NRG3: variants seen among roughly 807,000 people sequenced by gnomAD.
The protein encoded by NRG3 is neuregulin 3.
In NRG3, 31 loss-of-function variants were observed where a neutral mutation model predicts 66.9. The observed-to-expected ratio is 0.46, with a 90% CI of 0.35 to 0.63. The LOEUF is 0.63. Ranked by LOEUF, NRG3 falls within the 20% of genes least tolerant of loss-of-function variation. The probability of loss-of-function intolerance (pLI) is 0.00; values close to 1 mark genes in which losing one functional copy is unlikely to be tolerated. For synonymous variants in NRG3, 393 were observed against 359.4 expected (o/e 1.09, Z -1.06); for missense variants, 910 against 878.9 (o/e 1.04, Z -0.45).
intron 2 of NRG3, among the ~76,000 whole-genome samples, chr10:82,480,342 G>A (rs1842165772): frequency 6.6e-6 from 1 of 152,134 alleles, no homozygotes; most frequent in Non-Finnish European, 1.5e-5. Flanking sequence ...TTCAACAGGT[G>A]ATGTTTAAGC....
chr10:81,993,835 G>A (rs565391351), intron 1 of NRG3, among the ~76,000 whole-genome samples: 8 of 152,236 alleles, frequency 5.3e-5, no homozygotes, highest in Non-Finnish European at 8.8e-5. Flanking sequence ...ACATAGAAGC[G>A]CAGAAGCATT....
intron 2 of NRG3, among the ~76,000 whole-genome samples, chr10:82,498,334 T>C (rs1590356815): frequency 6.6e-6 from 1 of 152,196 alleles, no homozygotes; most frequent in East Asian, 1.9e-4. Context: ...AGAATTGAGA[T>C]AAAAAGATGG....
chr10:82,698,522 T>C (rs1351147206), intron 2 of NRG3, among the ~76,000 whole-genome samples: 1 of 152,206 alleles, frequency 6.6e-6, no homozygotes, highest in Non-Finnish European at 1.5e-5. Flanking sequence ...AGAAAACATT[T>C]TTATTGATCT....
At chr10:82,306,333 T>C (rs1458244640) in intron 1 of NRG3, among the ~76,000 whole-genome samples, 4 of 152,184 alleles carry the variant, frequency 2.6e-5, no homozygotes, top group Non-Finnish European at 4.4e-5. Context: ...ATTAATAAAA[T>C]ATTTTTAAAC....
At chr10:82,681,768 T>C (rs1418462142) in intron 2 of NRG3, among the ~76,000 whole-genome samples, 1 of 152,232 alleles carries the variant, frequency 6.6e-6, no homozygotes, top group Non-Finnish European at 1.5e-5. Flanking sequence ...CCAAAGCTGA[T>C]AGAGTGCCTA....
chr10:82,017,747 G>A (rs1419229981), intron 1 of NRG3, among the ~76,000 whole-genome samples: 1 of 152,046 alleles, frequency 6.6e-6, no homozygotes, highest in Non-Finnish European at 1.5e-5. Context: ...CTTTTGAGAA[G>A]TGTCTGTTCA....
intron 4 of NRG3, among the ~76,000 whole-genome samples, chr10:82,906,168 C>T (rs2131925638): frequency 6.6e-6 from 1 of 152,278 alleles, no homozygotes; most frequent in Admixed American, 6.5e-5. Flanking sequence ...CTTCTTAAAA[C>T]TATTCCCTCA....
At chr10:82,150,775 C>A (rs553227483) in intron 1 of NRG3, among the ~76,000 whole-genome samples, 1 of 152,174 alleles carries the variant, frequency 6.6e-6, no homozygotes, top group East Asian at 1.9e-4. Context: ...TCACAATTTC[C>A]AGTCTTTTAG....
chr10:82,619,731 T>A (rs1414839446), intron 2 of NRG3, among the ~76,000 whole-genome samples: 1 of 152,160 alleles, frequency 6.6e-6, no homozygotes, highest in Non-Finnish European at 1.5e-5. Flanking sequence ...CTAATATGAC[T>A]GGTGTCCTTT....
At chr10:82,449,200 G>A (rs2090897030) in intron 2 of NRG3, among the ~76,000 whole-genome samples, 2 of 152,202 alleles carry the variant, frequency 1.3e-5, no homozygotes, top group South Asian at 4.1e-4. Flanking sequence ...GTGAGCTAAG[G>A]TGAGGCAGCA....
intron 2 of NRG3, among the ~76,000 whole-genome samples, chr10:82,529,054 T>C (rs1272784273): frequency 6.6e-6 from 1 of 152,224 alleles, no homozygotes; most frequent in Non-Finnish European, 1.5e-5. Flanking sequence ...TAGCTTCCAA[T>C]ATAGTCTTAC....
At chr10:82,078,127 T>A (rs72825428) in intron 1 of NRG3, among the ~76,000 whole-genome samples, 8,370 of 152,006 alleles carry the variant, frequency 0.055, 264 homozygotes, top group Non-Finnish European at 0.073. Context: ...TAAAAAAAAA[T>A]TTTTTTTAAT....
At chr10:82,343,630 G>A (rs2082801839) in intron 1 of NRG3, among the ~76,000 whole-genome samples, 1 of 152,146 alleles carries the variant, frequency 6.6e-6, no homozygotes, top group African/African-American at 2.4e-5. Context: ...TCGCATATCT[G>A]TCTTCACATT....
chr10:82,528,856 T>A (rs531906716), intron 2 of NRG3, among the ~76,000 whole-genome samples: 9 of 152,238 alleles, frequency 5.9e-5, no homozygotes, highest in African/African-American at 2.2e-4. Context: ...TTTGACTAAA[T>A]GTTTCCTCTT....
intron 1 of NRG3, chr10:81,877,988 G>C: frequency 2.6e-6 from 4 of 1,537,530 alleles, no homozygotes; most frequent in South Asian, 1.2e-5. Context: ...TCCAACCCTT[G>C]TATGCGTTGG....
chr10:81,943,082 T>C (rs1313729766), intron 1 of NRG3, among the ~76,000 whole-genome samples: 1 of 152,146 alleles, frequency 6.6e-6, no homozygotes, highest in Admixed American at 6.6e-5. Flanking sequence ...TTATTTAAAT[T>C]ACACAAGTAG....
chr10:82,939,349 C>T (rs971573618), intron 4 of NRG3, among the ~76,000 whole-genome samples: 1 of 152,188 alleles, frequency 6.6e-6, no homozygotes, highest in Admixed American at 6.5e-5. Flanking sequence ...TGATAATGCA[C>T]ATCTAAAAGC....
At chr10:82,962,438 C>CT (rs201985382) in intron 6 of NRG3, among the ~76,000 whole-genome samples, 4 of 151,840 alleles carry the variant, frequency 2.6e-5, no homozygotes, top group Non-Finnish European at 2.9e-5. Flanking sequence ...CCCTTCATAC[C>CT]TTTTTTTTCA....
chr10:82,983,198 T>C (rs146986844), intron 8 of NRG3, among the ~76,000 whole-genome samples: 1,631 of 152,342 alleles, frequency 0.011, 15 homozygotes, highest in Admixed American at 0.018. Flanking sequence ...TCTGTTTCAC[T>C]GGTGAACCTG....
Sources: gnomAD v4.1 joint callset for allele counts (sites outside exome capture counted in the v4.1 genomes callset) on GRCh38, gnomAD v4.1.1 for gene constraint, MANE v1.5 for transcripts, NCBI Gene and HGNC (gene_info 2026-07-23, HGNC 2026-07-21) for gene names.